RAC1: variants seen among roughly 807,000 people sequenced by gnomAD.
RAC1 encodes the protein Rac family small GTPase 1.
Under a neutral mutation model 25.2 loss-of-function variants are expected in RAC1, and 2 were observed. The ratio of observed to expected loss-of-function variants is 0.08; its 90% confidence interval spans 0.03 to 0.25. The LOEUF is 0.25. RAC1 is among the 10% of genes least tolerant of loss of function. RAC1 has a pLI of 1.00. For missense variants in RAC1, 50 were observed against 235.7 expected (o/e 0.21, Z 5.16); for synonymous variants, 88 against 94.0 (o/e 0.94, Z 0.37).
rs1783411037 is a variant in RAC1 at position 6,401,805 on chromosome 7, G to A, written c.289-63G>A. On this transcript the variant is annotated intron_variant, in intron 4 of 5. Coordinates refer to ENST00000348035, the MANE Select transcript of RAC1 (RefSeq NM_006908.5). ...GGCATGAGTGCCGCCGGCTGGGTGT[G>A]ATTTAGGTGAAGGACATCTGTAAAG... 12 of 1,542,802 alleles carry A rather than the reference G, an allele frequency of 7.8e-6. No individual in the cohort carries two copies. In the Admixed American group the frequency reaches 2.2e-4, roughly 29 times the overall value.
At chr7:6,386,965 C>T (rs1466890306) in intron 1 of RAC1, among the ~76,000 whole-genome samples, 6 of 151,604 alleles carry the variant, frequency 4.0e-5, no homozygotes, top group Admixed American at 6.6e-5. Context: ...ATGCTAACAC[C>T]GGGTACCTAA....
chr7:6,401,951 C>G lies in RAC1; in HGVS notation c.372C>G (p.Asp124Glu), dbSNP rs1227283234. 1.2e-6 allele frequency: 2 copies of G among 1,614,176 alleles called. No individual in the cohort carries two copies. Among genetic ancestry groups the G allele is most frequent in the South Asian group, 1.1e-5 (1 of 91,078 alleles). The change falls in exon 5 of 6, where the codon GAC becomes GAG. Residue 124 changes from aspartate (D) to glutamate (E), a missense_variant. Transcript: ENST00000348035. ...GTKLDLRDDK[D>E]TIEKLKEKKL... ...AACTTGATCTTAGGGATGATAAAGA[C>G]ACGATCGAGAAACTGAAGGAGAAGA...
chr7:6,381,734 T>A (rs759153520), intron 1 of RAC1, among the ~76,000 whole-genome samples: 97 of 152,146 alleles, frequency 6.4e-4, no homozygotes, highest in Non-Finnish European at 1.2e-3. Context: ...AAGTCAGATA[T>A]TGGTAGTAGA....
chr7:6,397,258 A>G (rs914770146), intron 3 of RAC1, among the ~76,000 whole-genome samples: 8 of 150,070 alleles, frequency 5.3e-5, no homozygotes, highest in African/African-American at 1.7e-4. Flanking sequence ...AAAAAGAAAA[A>G]AAAGAAAAAA....
chr7:6,377,490 A>G (rs1325145165), intron 1 of RAC1, among the ~76,000 whole-genome samples: 1 of 152,146 alleles, frequency 6.6e-6, no homozygotes, highest in Non-Finnish European at 1.5e-5. Context: ...GCTACTCGGG[A>G]GGCTAAGGTG....
chr7:6,377,946 C>G lies in RAC1; in HGVS notation c.35+3176C>G, dbSNP rs183241777. ...TAAAGGAGATACATCTTCATCTGTT[C>G]CTGCTTTGACCCTTTGCCTGGACCA... On this transcript the variant is annotated intron_variant, in intron 1 of 5. Coordinates refer to ENST00000348035, the MANE Select transcript of RAC1 (RefSeq NM_006908.5). 3.0e-3 allele frequency among the ~76,000 whole-genome samples: 451 copies of G among 152,190 alleles called. 7 individuals are homozygous for G. The highest frequency in any genetic ancestry group is 0.026 in the Admixed American group (390 of 15,260).
intron 3 of RAC1, among the ~76,000 whole-genome samples, chr7:6,397,270 G>A (rs1259505514): frequency 6.7e-6 from 1 of 149,678 alleles, no homozygotes; most frequent in Non-Finnish European, 1.5e-5. Flanking sequence ...AAGAAAAAAA[G>A]AAAAGCTTGA....
intron 4 of RAC1, among the ~76,000 whole-genome samples, chr7:6,401,012 A>G (rs1288700072): frequency 2.0e-5 from 3 of 152,106 alleles, no homozygotes; most frequent in Non-Finnish European, 4.4e-5. Flanking sequence ...GCTGGAGTGC[A>G]GTGGCACAAT....
At chr7:6,399,114 G>A (rs1252601482) in intron 3 of RAC1, among the ~76,000 whole-genome samples, 1 of 152,172 alleles carries the variant, frequency 6.6e-6, no homozygotes, top group African/African-American at 2.4e-5. Context: ...CTGTCTGGGC[G>A]TGGCTGTGCA....
At chr7:6,401,683 G>T in intron 4 of RAC1, 185 bp from the exon 5 acceptor site, 1 of 517,880 alleles carries the variant, frequency 1.9e-6, no homozygotes, top group Non-Finnish European at 3.4e-6. Context: ...GCTTGCTAAT[G>T]GAACACCTGA....
intron 2 of RAC1, chr7:6,391,699 T>G: frequency 1.9e-6 from 1 of 540,232 alleles, no homozygotes; most frequent in Non-Finnish European, 3.2e-6. Context: ...TTAAATAGCT[T>G]GTTGTTTGTT....
At chr7:6,395,057 T>G (rs180979688) in intron 3 of RAC1, among the ~76,000 whole-genome samples, 1 of 152,130 alleles carries the variant, frequency 6.6e-6, no homozygotes, top group Non-Finnish European at 1.5e-5. Context: ...GGTTTCACCA[T>G]GTTAGCCAGG....
intron 1 of RAC1, among the ~76,000 whole-genome samples, chr7:6,382,632 T>C (rs1218274406): frequency 6.6e-6 from 1 of 152,154 alleles, no homozygotes; most frequent in East Asian, 1.9e-4. Flanking sequence ...GGGAGGCCGA[T>C]GGGGTGGATC....
At chr7:6,377,953 T>G (rs775541699) in intron 1 of RAC1, among the ~76,000 whole-genome samples, 28 of 152,184 alleles carry the variant, frequency 1.8e-4, no homozygotes, top group Non-Finnish European at 4.4e-5. Flanking sequence ...GTTCCTGCTT[T>G]GACCCTTTGC....
chr7:6,383,198 G>A (rs35266813), intron 1 of RAC1, among the ~76,000 whole-genome samples: 3,468 of 152,218 alleles, frequency 0.023, 66 homozygotes, highest in Middle Eastern at 0.041. Flanking sequence ...GGCCAAATAC[G>A]GCTTCCATTC....
chr7:6,376,672 G>GTTTTTTTTTTTTTT, intron 1 of RAC1, among the ~76,000 whole-genome samples: 1 of 99,962 alleles, frequency 1.0e-5, no homozygotes, highest in Non-Finnish European at 1.9e-5. Context: ...CAGCTAATTT[G>GTTTTTTTTTTTTTT]TTTTTTTTTT....
intron 1 of RAC1, among the ~76,000 whole-genome samples, chr7:6,384,863 G>A (rs1051900140): frequency 6.6e-6 from 1 of 152,140 alleles, no homozygotes; most frequent in Non-Finnish European, 1.5e-5. Context: ...ATGCACTGGT[G>A]CAATCTTGTT....
intron 1 of RAC1, among the ~76,000 whole-genome samples, chr7:6,375,129 T>TTC (rs1409226078): frequency 2.1e-5 from 3 of 145,280 alleles, no homozygotes; most frequent in Non-Finnish European, 3.1e-5. Context: ...AAGGGACCCT[T>TTC]TATTTTTTTT....
intron 5 of RAC1, 141 bp downstream of exon 5, chr7:6,402,168 G>C (rs836551): frequency 0.52 from 749,700 of 1,441,354 alleles, 203,223 homozygotes; most frequent in East Asian, 0.91. Context: ...GCAAGGCCCT[G>C]TGGGTCTTAA....
Sources: gnomAD v4.1 joint callset for allele counts (sites outside exome capture counted in the v4.1 genomes callset) on GRCh38, gnomAD v4.1.1 for gene constraint, MANE v1.5 for transcripts, NCBI Gene and HGNC (gene_info 2026-07-23, HGNC 2026-07-21) for gene names.